APOBEC3F: variants seen among roughly 807,000 people sequenced by gnomAD.
APOBEC3F encodes apolipoprotein B mRNA editing enzyme catalytic subunit 3F, also known as DNA dC->dU-editing enzyme APOBEC-3F.
Under a neutral mutation model 45.8 loss-of-function variants are expected in APOBEC3F, and 34 were observed. The observed-to-expected ratio is 0.74, with a 90% CI of 0.57 to 0.99. The LOEUF (loss-of-function observed/expected upper bound fraction) is 0.99. Ranked by LOEUF, APOBEC3F falls within the 50% of genes least tolerant of loss-of-function variation. The probability of loss-of-function intolerance (pLI) is 0.00; values close to 1 mark genes in which losing one functional copy is unlikely to be tolerated. For missense variants in APOBEC3F, 459 were observed against 474.1 expected (o/e 0.97, Z 0.30); for synonymous variants, 192 against 174.4 (o/e 1.10, Z -0.80).
chr22:39,043,775 T>C (rs1294277018), intron 2 of APOBEC3F, among the ~76,000 whole-genome samples: 2 of 151,300 alleles, frequency 1.3e-5, no homozygotes, highest in Non-Finnish European at 1.5e-5. Flanking sequence ...TCCCAGCACT[T>C]TGGGAGGCCG....
chr22:39,049,073 G>A (rs1927357024), intron 4 of APOBEC3F, among the ~76,000 whole-genome samples: 1 of 152,038 alleles, frequency 6.6e-6, no homozygotes, highest in Non-Finnish European at 1.5e-5. Flanking sequence ...CATCATCATC[G>A]GACAGGTGAA....
At chr22:39,041,992 C>A (rs777639153) in intron 1 of APOBEC3F, among the ~76,000 whole-genome samples, 1 of 152,216 alleles carries the variant, frequency 6.6e-6, no homozygotes, top group Non-Finnish European at 1.5e-5. Context: ...TCCTGCAAGG[C>A]TGGTGACACA....
rs755574578 is a variant in APOBEC3F at position 39,042,925 on chromosome 22, T to G, written c.18-12T>G. 3 of 1,613,518 alleles carry G rather than the reference T, an allele frequency of 1.9e-6. No individual in the cohort carries two copies. Among genetic ancestry groups the G allele is most frequent in the Non-Finnish European group, 1.7e-6 (2 of 1,179,630 alleles). On this transcript the variant is annotated splice_polypyrimidine_tract_variant and intron_variant, in intron 1 of 6. Coordinates refer to ENST00000308521, the MANE Select transcript of APOBEC3F (RefSeq NM_145298.6). ...CTCTCTACATTGGCTGGTTTCTCTC[T>G]TGTGTCTTCAGAAACACAGTGGAGC...
At chr22:39,051,355 G>A (rs554456233) in intron 5 of APOBEC3F, among the ~76,000 whole-genome samples, 124 of 151,760 alleles carry the variant, frequency 8.2e-4, no homozygotes, top group African/African-American at 2.9e-3. Context: ...CGCTAACTCG[G>A]TGAAACCCCA....
intron 2 of APOBEC3F, 93 bp from the exon 3 acceptor site, chr22:39,044,848 G>A (rs1366720672): frequency 5.1e-6 from 6 of 1,175,038 alleles, no homozygotes; most frequent in African/African-American, 1.5e-5. Context: ...GATCCCCTGG[G>A]CTCCTGTCCT....
At chr22:39,045,378 G>T (rs34824408) in intron 3 of APOBEC3F, 50 bp from the exon 4 acceptor site, 62 of 1,613,270 alleles carry the variant, frequency 3.8e-5, no homozygotes, top group Admixed American at 2.5e-4. Context: ...CTGGGAGCGC[G>T]GGCCCAGGGT....
chr22:39,048,397 G>C (rs1384859966), intron 4 of APOBEC3F, among the ~76,000 whole-genome samples: 2 of 152,204 alleles, frequency 1.3e-5, no homozygotes, highest in Non-Finnish European at 2.9e-5. Context: ...TAGGCTGGCC[G>C]GGCACAGTGA....
rs1398042107 is a variant in APOBEC3F at position 39,052,770 on chromosome 22, G to C, written c.*75G>C. 3.0e-5 allele frequency: 47 copies of C among 1,542,094 alleles called. No homozygotes were observed. The highest frequency in any genetic ancestry group is 3.8e-5 in the Non-Finnish European group (44 of 1,149,018). The stretch of plus-strand genomic sequence containing the variant: ...TTGTGCAGGCCTCCCCTCCATCCTG[G>C]ACCAGCTGTGCTTTTGCCTGGTCAT... On this transcript the variant is annotated 3_prime_UTR_variant, in exon 7 of 7. Coordinates refer to ENST00000308521, the MANE Select transcript of APOBEC3F (RefSeq NM_145298.6).
rs1056622472 is a variant in APOBEC3F, at chr22:39,055,261, G to A, written c.*2566G>A. 2.0e-5 allele frequency among the ~76,000 whole-genome samples: 3 copies of A among 151,520 alleles called. No homozygotes were observed. Among genetic ancestry groups the A allele is most frequent in the Non-Finnish European group, 2.9e-5 (2 of 67,924 alleles). On this transcript the variant is annotated 3_prime_UTR_variant, in exon 7 of 7. Coordinates refer to ENST00000308521, the MANE Select transcript of APOBEC3F (RefSeq NM_145298.6). Reference sequence around the variant, plus strand: ...CTAATTTTGTAGTTTTAGTAGAGACGGGGTTTCTCCATGTTGCTCAGGCTG... The same window carrying A: ...CTAATTTTGTAGTTTTAGTAGAGACAGGGTTTCTCCATGTTGCTCAGGCTG...
chr22:39,052,780 G>T lies in APOBEC3F; in HGVS notation c.*85G>T. On this transcript the variant is annotated 3_prime_UTR_variant, in exon 7 of 7. Transcript: ENST00000308521. Reference sequence around the variant, plus strand: ...CTCCCCTCCATCCTGGACCAGCTGTGCTTTTGCCTGGTCATCCTGAGCCCC... The same window carrying T: ...CTCCCCTCCATCCTGGACCAGCTGTTCTTTTGCCTGGTCATCCTGAGCCCC... The T allele has an allele frequency of 6.5e-7, 1 of 1,528,906 alleles. No homozygotes were observed. Among genetic ancestry groups the T allele is most frequent in the Non-Finnish European group, 8.7e-7 (1 of 1,142,948 alleles). The allele number at this position is 1,528,906 out of a possible 1,614,324, so 94.7% of individuals were successfully genotyped here.
At chr22:39,044,464 C>G (rs577895518) in intron 2 of APOBEC3F, 87 of 1,152,804 alleles carry the variant, frequency 7.5e-5, no homozygotes, top group Non-Finnish European at 4.9e-5. Context: ...GCACCAGCAA[C>G]TTTCCAGGGC....
At chr22:39,042,099 A>C (rs1926933429) in intron 1 of APOBEC3F, among the ~76,000 whole-genome samples, 1 of 152,112 alleles carries the variant, frequency 6.6e-6, no homozygotes, top group African/African-American at 2.4e-5. Context: ...CGCCTCTGGC[A>C]CCTCCTCTGT....
intron 1 of APOBEC3F, 125 bp from the exon 2 acceptor site, chr22:39,042,812 T>C: frequency 7.0e-7 from 1 of 1,435,702 alleles, no homozygotes; most frequent in Admixed American, 2.6e-5. Flanking sequence ...AAGCAAAAAT[T>C]CTCAGGGCTG....
chr22:39,044,347 G>C (rs1927092682), intron 2 of APOBEC3F: 1 of 1,403,952 alleles, frequency 7.1e-7, no homozygotes, highest in South Asian at 1.6e-5. Context: ...CTCATGTCTT[G>C]GTGCACTTTG....
intron 4 of APOBEC3F, among the ~76,000 whole-genome samples, chr22:39,048,893 G>T (rs571862118): frequency 1.3e-5 from 2 of 152,092 alleles, no homozygotes; most frequent in African/African-American, 2.4e-5. Flanking sequence ...GCTGAGGCAG[G>T]AGAATCACTT....
intron 4 of APOBEC3F, among the ~76,000 whole-genome samples, chr22:39,048,143 A>C (rs1927309687): frequency 6.6e-6 from 1 of 152,178 alleles, no homozygotes; most frequent in Non-Finnish European, 1.5e-5. Context: ...CTCTTATTTT[A>C]AAGTTTAGTA....
chr22:39,044,143 G>C (rs780889014), intron 2 of APOBEC3F: 39 of 1,579,640 alleles, frequency 2.5e-5, no homozygotes, highest in Admixed American at 9.2e-5. Flanking sequence ...TGGCCAGTGC[G>C]CCCCACCACA....
In APOBEC3F at chr22:39,053,394, A is replaced by T. The variant is rs1927590498; in HGVS notation, c.*699A>T. On this transcript the variant is annotated 3_prime_UTR_variant, in exon 7 of 7. Coordinates refer to ENST00000308521, the MANE Select transcript of APOBEC3F (RefSeq NM_145298.6). ...GAGGCAGAGGTGAGAGAATCGCTTG[A>T]GCCCAGGAATTCGAGACCAGCCTGG... is the stretch of plus-strand genomic sequence containing the variant. 1 of 151,478 alleles carries T rather than the reference A, an allele frequency of 6.6e-6. No homozygotes were observed. Among genetic ancestry groups the T allele is most frequent in the African/African-American group, 2.4e-5 (1 of 41,178 alleles). The allele number at this position is 151,478 out of a possible 1,614,324, so 9.4% of individuals were successfully genotyped here.
In APOBEC3F at chr22:39,054,058, G is replaced by A. The variant is rs1371021630; in HGVS notation, c.*1363G>A. 1 of 151,798 alleles carries A rather than the reference G, an allele frequency of 6.6e-6. No individual in the cohort carries two copies. The highest frequency in any genetic ancestry group is 6.6e-5 in the Admixed American group (1 of 15,224). 9.4% of individuals were successfully genotyped at this position (151,798 alleles called of 1,614,324 possible). ...AATGGAGTCTCGCCCTGTCACCCAG[G>A]CTGGAGTGCAATGGTGCGGTCTCGG... is the stretch of plus-strand genomic sequence containing the variant. On this transcript the variant is annotated 3_prime_UTR_variant, in exon 7 of 7. Transcript: ENST00000308521.
Sources: gnomAD v4.1 joint callset for allele counts (sites outside exome capture counted in the v4.1 genomes callset) on GRCh38, gnomAD v4.1.1 for gene constraint, MANE v1.5 for transcripts, NCBI Gene and HGNC (gene_info 2026-07-23, HGNC 2026-07-21) for gene names.